The following ITPKC variants were observed in gnomAD, a reference collection of about 807,000 sequenced individuals.
ITPKC encodes IP3 3-kinase C.
A neutral mutation model predicts 67.1 loss-of-function variants in ITPKC; 33 were observed. The observed-to-expected ratio is 0.49, with a 90% CI of 0.37 to 0.66. The LOEUF is 0.66. ITPKC is among the 30% of genes least tolerant of loss of function. The pLI, the probability that ITPKC is intolerant of heterozygous loss-of-function variation, is 0.00. For synonymous variants in ITPKC, 341 were observed against 359.8 expected (o/e 0.95, Z 0.59); for missense variants, 820 against 892.1 (o/e 0.92, Z 1.03).
At chr19:40,734,520 G>A (rs542423701) in intron 4 of ITPKC, among the ~76,000 whole-genome samples, 8 of 152,196 alleles carry the variant, frequency 5.3e-5, no homozygotes, top group East Asian at 3.9e-4. Flanking sequence ...TCTCCTGTTC[G>A]AAACCCTTCT....
chr19:40,722,998 C>G (rs1457625266), intron 1 of ITPKC, among the ~76,000 whole-genome samples: 4 of 151,666 alleles, frequency 2.6e-5, no homozygotes, highest in African/African-American at 4.8e-5. Flanking sequence ...GTCTCGCTTT[C>G]TCGCCCAGGC....
At chr19:40,720,714 A>AC (rs1045119316) in intron 1 of ITPKC, among the ~76,000 whole-genome samples, 1 of 150,304 alleles carries the variant, frequency 6.7e-6, no homozygotes, top group Non-Finnish European at 1.5e-5. Context: ...CCTCCTCCTG[A>AC]CCCCCTCTGC....
chr19:40,737,206 C>T (rs2082298682), intron 5 of ITPKC, 119 bp downstream of exon 5: 5 of 733,074 alleles, frequency 6.8e-6, no homozygotes, highest in Admixed American at 6.5e-5. Context: ...GCTGGCTTTG[C>T]TCAGTCTGAG....
intron 3 of ITPKC, 46 bp downstream of exon 3, chr19:40,729,461 G>A (rs1213627596): frequency 6.5e-7 from 1 of 1,541,416 alleles, no homozygotes; most frequent in East Asian, 2.3e-5. Context: ...GCAGGGGGTG[G>A]GCATTATTGA....
chr19:40,721,431 C>A (rs140989296), intron 1 of ITPKC, among the ~76,000 whole-genome samples: 7 of 150,744 alleles, frequency 4.6e-5, no homozygotes, highest in African/African-American at 1.7e-4. Flanking sequence ...AGTGCAGTGG[C>A]GAGATCTCAG....
At chr19:40,719,367 G>GAATAATAATAATAAT (rs5828077) in intron 1 of ITPKC, among the ~76,000 whole-genome samples, 33 of 150,144 alleles carry the variant, frequency 2.2e-4, no homozygotes, top group African/African-American at 6.1e-4. Context: ...GGAAGTGGGT[G>GAATAATAATAATAAT]AATAATAATA....
At chr19:40,734,863 C>A (rs1415382537) in intron 4 of ITPKC, among the ~76,000 whole-genome samples, 1 of 146,490 alleles carries the variant, frequency 6.8e-6, no homozygotes, top group Admixed American at 7.1e-5. Flanking sequence ...TCACTGCAAA[C>A]CTCTGCCTCC....
rs777150700 is a variant in ITPKC, at chr19:40,717,462, C to G, written c.327C>G (p.Pro109=). The G allele has an allele frequency of 1.2e-6, 2 of 1,614,090 alleles. No homozygotes were observed. The highest frequency in any genetic ancestry group is 1.7e-6 in the Non-Finnish European group (2 of 1,180,016). ...GCCTTGGAGTAGAGACCGAGAGGCC[C>G]AAGCAAAAGACGGAGCCAGACAGGT... ...AAGLGVETER[P]KQKTEPDRSS... Residue 109 remains proline (P), a synonymous_variant, in exon 1 of 7, where the codon CCC becomes CCG. Transcript: ENST00000263370.
rs774810575 is a variant in ITPKC, at chr19:40,717,645, TGG to T, written c.512_513del (p.Gly171AlafsTer22). On this transcript the variant is annotated frameshift_variant, in exon 1 of 7. Coordinates refer to ENST00000263370, the MANE Select transcript of ITPKC (RefSeq NM_025194.3). LOFTEE classifies it high-confidence loss of function. ...ASPWTQPGVH[G>X]PWTELETHGS... is the part of the protein sequence containing the mutation. ...GCCCCTGGACACAGCCAGGGGTTCATGGGCCCTGGACAGAGCTGGAAACGCAT... is the reference window on the plus strand; with the variant it reads ...GCCCCTGGACACAGCCAGGGGTTCATGCCCTGGACAGAGCTGGAAACGCAT... The T allele has an allele frequency of 6.2e-7, 1 of 1,613,984 alleles. No individual in the cohort carries two copies. Among genetic ancestry groups the T allele is most frequent in the Non-Finnish European group, 8.5e-7 (1 of 1,179,958 alleles).
At position 40,717,815 on chromosome 19, in the gene ITPKC, A is replaced by G. The variant is rs1254850593; in HGVS notation, c.680A>G (p.Tyr227Cys). Residue 227 changes from tyrosine to cysteine, a missense_variant, in exon 1 of 7, where the codon TAT becomes TGT. Transcript: ENST00000263370. Reference protein sequence around the residue: ...PSADGSWKELYTDGSRTQQDI... With the variant: ...PSADGSWKELCTDGSRTQQDI... The stretch of plus-strand genomic sequence containing the variant: ...GCTGATGGCTCCTGGAAAGAATTGT[A>G]TACTGATGGCTCCAGGACACAACAG... 5 of 1,614,134 alleles carry G rather than the reference A, an allele frequency of 3.1e-6. 1 individual carries two copies. In the Middle Eastern group the frequency reaches 4.9e-4, roughly 160 times the overall value.
At chr19:40,718,324 C>G in intron 1 of ITPKC, 34 bp downstream of exon 1, 1 of 1,490,896 alleles carries the variant, frequency 6.7e-7, no homozygotes, top group Non-Finnish European at 8.9e-7. Context: ...TGAGCCACAT[C>G]ACGCAAAACT....
Position 40,717,330 on chromosome 19 carries a change from C to A in ITPKC, c.195C>A (p.Ser65=), listed in dbSNP as rs767718437. The A allele has an allele frequency of 7.5e-6, 12 of 1,599,762 alleles. No individual in the cohort carries two copies. The African/African-American group carries it at 1.5e-4, about 20-fold the overall frequency. The stretch of plus-strand genomic sequence containing the variant: ...GGCCCTGGGCCCGGACAGAGGGGTC[C>A]AGCCTCCACAGCGAGCCTGAGAGGG... ...GGGPWARTEG[S]SLHSEPERAG... is the part of the protein sequence containing the mutation. Residue 65 remains serine (S), a synonymous_variant, in exon 1 of 7, where the codon TCC becomes TCA. Transcript: ENST00000263370.
intron 1 of ITPKC, among the ~76,000 whole-genome samples, chr19:40,724,570 G>A (rs1335503177): frequency 1.3e-5 from 2 of 151,922 alleles, no homozygotes; most frequent in East Asian, 1.9e-4. Flanking sequence ...CTCTCTCTGT[G>A]GTCCATCTCC....
At chr19:40,731,224 T>A (rs902367647) in intron 3 of ITPKC, among the ~76,000 whole-genome samples, 3 of 152,154 alleles carry the variant, frequency 2.0e-5, no homozygotes, top group African/African-American at 7.2e-5. Flanking sequence ...CCAGCGAGCA[T>A]TACCGCTTGA....
At chr19:40,724,498 C>A (rs893490452) in intron 1 of ITPKC, among the ~76,000 whole-genome samples, 1 of 152,130 alleles carries the variant, frequency 6.6e-6, no homozygotes, top group African/African-American at 2.4e-5. Flanking sequence ...ATGACTGCCA[C>A]GGTCTCTGTC....
intron 1 of ITPKC, among the ~76,000 whole-genome samples, chr19:40,723,430 A>C (rs2082231610): frequency 6.7e-6 from 1 of 149,434 alleles, no homozygotes. Context: ...CTCTTTGTCT[A>C]CTTCTGTTCA....
chr19:40,723,687 G>A (rs1452527396), intron 1 of ITPKC, among the ~76,000 whole-genome samples: 1 of 151,802 alleles, frequency 6.6e-6, no homozygotes, highest in Non-Finnish European at 1.5e-5. Context: ...AGTAGAGGTG[G>A]GGTTTCACCA....
chr19:40,725,883 C>T lies in ITPKC; in HGVS notation c.1255+444C>T, dbSNP rs566106449. On this transcript the variant is annotated intron_variant, in intron 2 of 6. Transcript: ENST00000263370. The stretch of plus-strand genomic sequence containing the variant: ...CTTTGGCAGGCCAAAACAGGAGGAT[C>T]GCTTGAGCCCAGGAGTTTAAGACCA... Among the ~76,000 whole-genome samples the T allele has an allele frequency of 7.9e-5, 12 of 151,982 alleles. No individual in the cohort carries two copies. In the South Asian group the frequency reaches 1.9e-3, roughly 24 times the overall value.
At chr19:40,726,773 G>A (rs1451091977) in intron 2 of ITPKC, among the ~76,000 whole-genome samples, 6 of 152,190 alleles carry the variant, frequency 3.9e-5, no homozygotes, top group African/African-American at 4.8e-5. Flanking sequence ...AGAGCACAGC[G>A]GCTCATGGCT....
Sources: allele counts gnomAD v4.1 joint callset (sites outside exome capture counted in the v4.1 genomes callset), GRCh38; gene constraint gnomAD v4.1.1; transcripts MANE v1.5; gene names NCBI Gene and HGNC (gene_info 2026-07-23, HGNC 2026-07-21).